The following ERI1 variants were observed in gnomAD, a reference collection of about 807,000 sequenced individuals.
The protein encoded by ERI1 is exoribonuclease 1.
A neutral mutation model predicts 39.7 loss-of-function variants in ERI1; 39 were observed. That is an observed-to-expected ratio of 0.98 (90% CI 0.76 to 1.28). The LOEUF is 1.28. Ranked by LOEUF, ERI1 falls within the 50% of genes most tolerant of loss-of-function variation. ERI1 has a pLI of 0.00. For synonymous variants in ERI1, 204 were observed against 149.6 expected (o/e 1.36, Z -2.65); for missense variants, 581 against 416.9 (o/e 1.39, Z -3.43).
rs61750798 is a variant in ERI1 at position 9,030,031 on chromosome 8, G to T, written c.1047G>T (p.Lys349Asn). Residue 349 changes from lysine (K) to asparagine (N), a missense_variant, in exon 7 of 7, where the codon AAG becomes AAT. Physicochemically the swap from Lys to Asn is moderately conservative, Grantham distance 94. Transcript: ENST00000250263. ...TPPPQMPHFR[K>N] The stretch of plus-strand genomic sequence containing the variant: ...CACCACAAATGCCACATTTTAGAAA[G>T]TAACAACAGTTTTGTGTGTGGATCA... 6.3e-7 allele frequency: 1 copy of T among 1,583,850 alleles called. No individual in the cohort carries two copies. Among genetic ancestry groups the T allele is most frequent in the South Asian group, 1.1e-5 (1 of 89,398 alleles).
intron 3 of ERI1, chr8:9,099,859 A>G (rs1376262999): frequency 6.6e-6 from 1 of 151,836 alleles, no homozygotes; most frequent in Non-Finnish European, 1.5e-5. Context: ...TTTTGGGCAG[A>G]CAACTGTGAG....
chr8:9,068,208 C>G (rs1321534489), intron 3 of ERI1, among the ~76,000 whole-genome samples: 1 of 152,192 alleles, frequency 6.6e-6, no homozygotes, highest in South Asian at 2.1e-4. Flanking sequence ...TGACCTGAGA[C>G]TGTCTCAGAT....
intron 3 of ERI1, among the ~76,000 whole-genome samples, chr8:9,070,513 A>T (rs968364533): frequency 1.1e-4 from 16 of 152,156 alleles, no homozygotes; most frequent in Admixed American, 5.2e-4. Context: ...GACTCTAAAG[A>T]TACCTAGTTA....
chr8:9,079,785 C>T (rs1046467766), intron 3 of ERI1, among the ~76,000 whole-genome samples: 1 of 152,130 alleles, frequency 6.6e-6, no homozygotes, highest in African/African-American at 2.4e-5. Context: ...ATCCTCCCAC[C>T]TCAGCCTCTA....
At position 9,023,352 on chromosome 8, in the gene ERI1, C is replaced by T. The variant is rs536555802; in HGVS notation, c.807+2888C>T. 2.0e-4 allele frequency among the ~76,000 whole-genome samples: 30 copies of T among 151,956 alleles called. 2 individuals carry two copies. The South Asian group carries it at 5.6e-3, about 28-fold the overall frequency. ...ATACTCCAGTTGAGAAGCTCGATCC[C>T]CTTTAGGTTCTTTTTTTGCTACAAC... On this transcript the variant is annotated intron_variant, in intron 6 of 6. Transcript: ENST00000250263.
chr8:9,004,674 A>G (rs1249426857), intron 1 of ERI1, among the ~76,000 whole-genome samples: 4 of 149,082 alleles, frequency 2.7e-5, no homozygotes, highest in Non-Finnish European at 5.9e-5. Flanking sequence ...AAAAAATAAT[A>G]GTAATGATAC....
intron 3 of ERI1, among the ~76,000 whole-genome samples, chr8:9,079,352 G>C (rs1357564387): frequency 6.6e-6 from 1 of 152,180 alleles, no homozygotes; most frequent in Non-Finnish European, 1.5e-5. Context: ...ACTAACATGA[G>C]TTCAGCTATA....
At chr8:9,099,117 G>A (rs976812816) in intron 3 of ERI1, among the ~76,000 whole-genome samples, 7 of 152,018 alleles carry the variant, frequency 4.6e-5, no homozygotes, top group African/African-American at 1.7e-4. Context: ...TTACAGGCAT[G>A]AGCCACCACA....
At chr8:9,092,329 G>T (rs1040221364) in intron 3 of ERI1, among the ~76,000 whole-genome samples, 1 of 152,148 alleles carries the variant, frequency 6.6e-6, no homozygotes, top group East Asian at 1.9e-4. Flanking sequence ...ATTTGGAGAG[G>T]ATTTGGAGGG....
At chr8:9,034,835 C>G (rs1473736854), downstream of ERI1, among the ~76,000 whole-genome samples, 5 of 152,132 alleles carry the variant, frequency 3.3e-5, no homozygotes, top group Non-Finnish European at 7.4e-5. Context: ...TCCAAATTAG[C>G]AAAGTTGTAA....
chr8:9,033,985 T>TC (rs1797753783), downstream of ERI1, among the ~76,000 whole-genome samples: 1 of 152,264 alleles, frequency 6.6e-6, no homozygotes, highest in African/African-American at 2.4e-5. Context: ...TGTGACCAGC[T>TC]GTAAGGTTTT....
At chr8:9,098,120 A>T (rs1799935758) in intron 3 of ERI1, among the ~76,000 whole-genome samples, 1 of 152,222 alleles carries the variant, frequency 6.6e-6, no homozygotes, top group Non-Finnish European at 1.5e-5. Flanking sequence ...ACAGTGGCTC[A>T]CACCTGTAAT....
chr8:9,037,955 TTCCTC>T (rs1797904819), downstream of ERI1, among the ~76,000 whole-genome samples: 1 of 151,974 alleles, frequency 6.6e-6, no homozygotes, highest in Admixed American at 6.6e-5. Context: ...TTGGTTGCCT[TTCCTC>T]TGTGTTGAGC....
chr8:9,054,391 G>A (rs911836567), intron 3 of ERI1, among the ~76,000 whole-genome samples: 1 of 151,922 alleles, frequency 6.6e-6, no homozygotes, highest in African/African-American at 2.4e-5. Context: ...TTACATTTTT[G>A]TTTCTATTCT....
intron 6 of ERI1, among the ~76,000 whole-genome samples, chr8:9,026,470 G>T (rs757938968): frequency 2.6e-5 from 4 of 152,068 alleles, no homozygotes; most frequent in Non-Finnish European, 5.9e-5. Flanking sequence ...CTTATAAGTG[G>T]AGGCGTACAG....
At chr8:9,004,069 C>G (rs1018409548) in intron 1 of ERI1, 4 of 1,289,122 alleles carry the variant, frequency 3.1e-6, no homozygotes, top group South Asian at 1.2e-5. Flanking sequence ...CCCTTTTGTT[C>G]CCAGTGCCCC....
At chr8:9,095,491 G>GT (rs111235056) in intron 3 of ERI1, among the ~76,000 whole-genome samples, 1,627 of 149,638 alleles carry the variant, frequency 0.011, 12 homozygotes, top group African/African-American at 0.025. Flanking sequence ...TTTTGTTGTT[G>GT]TTGTTTGTTT....
At chr8:9,084,734 T>A (rs1318738377) in intron 3 of ERI1, among the ~76,000 whole-genome samples, 2 of 152,154 alleles carry the variant, frequency 1.3e-5, no homozygotes, top group Non-Finnish European at 2.9e-5. Context: ...GTACCCTAAC[T>A]ACATTAATAA....
In ERI1 at chr8:9,009,544, A is replaced by G. The variant is rs182109343; in HGVS notation, c.287+1396A>G. 7.3e-3 allele frequency among the ~76,000 whole-genome samples: 1,116 copies of G among 152,128 alleles called. 13 individuals carry two copies. The highest frequency in any genetic ancestry group is 0.026 in the African/African-American group (1,076 of 41,514). ...AAAGTGTATTGAGAACATGCCTTTTATTTTTTATTTTTTTGAGACAGAGTC... is the reference window on the plus strand; with the variant it reads ...AAAGTGTATTGAGAACATGCCTTTTGTTTTTTATTTTTTTGAGACAGAGTC... On this transcript the variant is annotated intron_variant, in intron 2 of 6. Coordinates refer to ENST00000250263, the MANE Select transcript of ERI1 (RefSeq NM_153332.4).
Sources: gnomAD v4.1 joint callset for allele counts (sites outside exome capture counted in the v4.1 genomes callset) on GRCh38, gnomAD v4.1.1 for gene constraint, MANE v1.5 for transcripts, NCBI Gene and HGNC (gene_info 2026-07-23, HGNC 2026-07-21) for gene names.